The following GRIK4 variants were observed in gnomAD, a reference collection of about 807,000 sequenced individuals.
GRIK4 encodes the protein glutamate ionotropic receptor kainate type subunit 4.
A neutral mutation model predicts 104.9 loss-of-function variants in GRIK4; 40 were observed. That is an observed-to-expected ratio of 0.38 (90% CI 0.30 to 0.50). The LOEUF is 0.50. GRIK4 is among the 20% of genes least tolerant of loss of function. The probability of loss-of-function intolerance (pLI) is 0.93; values close to 1 mark genes in which losing one functional copy is unlikely to be tolerated. For synonymous variants in GRIK4, 485 were observed against 524.9 expected, an observed-to-expected ratio of 0.92 and a Z score of 1.04; for missense variants, 1,047 against 1,308.1, an observed-to-expected ratio of 0.80 and a Z score of 3.08.
At chr11:120,581,498 A>G (rs1021293657) in intron 1 of GRIK4, among the ~76,000 whole-genome samples, 3 of 152,174 alleles carry the variant, frequency 2.0e-5, no homozygotes, top group Admixed American at 2.0e-4. Context: ...TTGTTGTGCA[A>G]TCAGTCTCTA....
At chr11:120,982,428 G>A (rs1944667558) in intron 20 of GRIK4, among the ~76,000 whole-genome samples, 1 of 152,200 alleles carries the variant, frequency 6.6e-6, no homozygotes, top group South Asian at 2.1e-4. Flanking sequence ...TATCATTTAA[G>A]ATATAGTTGA....
At chr11:120,963,684 A>G (rs1432026225) in intron 18 of GRIK4, among the ~76,000 whole-genome samples, 2 of 152,046 alleles carry the variant, frequency 1.3e-5, no homozygotes, top group Non-Finnish European at 2.9e-5. Flanking sequence ...TTAGCTCAAA[A>G]CTCTGTAAAT....
chr11:120,716,260 G>A (rs1950831301), intron 3 of GRIK4, among the ~76,000 whole-genome samples: 1 of 129,352 alleles, frequency 7.7e-6, no homozygotes, highest in Non-Finnish European at 1.6e-5. Flanking sequence ...GGGTGGGTGG[G>A]CGGGATGGAG....
At chr11:120,965,854 G>A (rs1388204793) in intron 18 of GRIK4, among the ~76,000 whole-genome samples, 3 of 152,164 alleles carry the variant, frequency 2.0e-5, no homozygotes, top group African/African-American at 7.2e-5. Flanking sequence ...TTGAAAATTT[G>A]AAAAGCACTC....
chr11:120,565,949 T>A (rs1948316813), intron 1 of GRIK4, among the ~76,000 whole-genome samples: 2 of 152,130 alleles, frequency 1.3e-5, no homozygotes, highest in African/African-American at 4.8e-5. Context: ...GTGACTTTGG[T>A]ATTAGGCTGG....
chr11:120,696,049 G>A (rs1950444071), intron 3 of GRIK4, among the ~76,000 whole-genome samples: 1 of 152,182 alleles, frequency 6.6e-6, no homozygotes, highest in Non-Finnish European at 1.5e-5. Context: ...CCCTCCTCTA[G>A]CAGAGGGATC....
At chr11:120,815,511 C>A in intron 5 of GRIK4, 36 bp downstream of exon 5, 1 of 1,263,512 alleles carries the variant, frequency 7.9e-7, no homozygotes, top group Admixed American at 2.3e-5. Context: ...TATCTGTGTG[C>A]TGGAGCCTGT....
At chr11:120,516,645 G>T (rs78999843) in intron 1 of GRIK4, among the ~76,000 whole-genome samples, 1 of 152,064 alleles carries the variant, frequency 6.6e-6, no homozygotes, top group Non-Finnish European at 1.5e-5. Context: ...GGGCCTGGGC[G>T]CTGGTGACAG....
At chr11:120,892,111 TG>T (rs1267982842) in intron 11 of GRIK4, among the ~76,000 whole-genome samples, 1 of 152,108 alleles carries the variant, frequency 6.6e-6, no homozygotes, top group Non-Finnish European at 1.5e-5. Flanking sequence ...CAGGGGTTCA[TG>T]TGGCAAGGAG....
chr11:120,655,893 G>A (rs1235833383), intron 2 of GRIK4, among the ~76,000 whole-genome samples: 1 of 152,146 alleles, frequency 6.6e-6, no homozygotes, highest in Non-Finnish European at 1.5e-5. Flanking sequence ...CAAGGTGTTT[G>A]TGGCATGCTG....
At position 120,815,397 on chromosome 11, in the gene GRIK4, G is replaced by A. The variant is rs763799177; in HGVS notation, c.267G>A (p.Lys89=). 23 of 1,549,030 alleles carry A rather than the reference G, an allele frequency of 1.5e-5. No homozygotes were observed. In the East Asian group the frequency reaches 5.4e-4, roughly 36 times the overall value. Residue 89 remains lysine (K), a synonymous_variant, in exon 5 of 21, where the codon AAG becomes AAA. Coordinates refer to ENST00000527524, the MANE Select transcript of GRIK4 (RefSeq NM_014619.5). Reference sequence around the variant, plus strand: ...CTGCAGTGTGTCAGATCCTCCCCAAGGGGGTGGTCGCTGTCCTCGGACCAT... The same window carrying A: ...CTGCAGTGTGTCAGATCCTCCCCAAAGGGGTGGTCGCTGTCCTCGGACCAT... ...TAETMCQILP[K]GVVAVLGPSS... is the part of the protein sequence containing the mutation.
In GRIK4 at chr11:120,517,008, C is replaced by T. The variant is rs902572814; in HGVS notation, c.-159+5121C>T. On this transcript the variant is annotated intron_variant, in intron 1 of 20. Transcript: ENST00000527524. ...TGCCGGGGGCCAGCTTAAGGCATCT[C>T]GCGTGCCTCAGTCTCACCTCCCCAG... Among the ~76,000 whole-genome samples, 24 of 129,642 alleles carry T rather than the reference C, an allele frequency of 1.9e-4. 2 individuals are homozygous for T. Among genetic ancestry groups the T allele is most frequent in the Non-Finnish European group, 2.0e-4 (12 of 60,826 alleles). The allele number at this position is 129,642 out of a possible 152,430, so 85.1% of individuals were successfully genotyped here.
chr11:120,962,549 A>C lies in GRIK4; in HGVS notation c.2134A>C (p.Arg712=), dbSNP rs148867165. The change falls in exon 18 of 21, where the codon AGG becomes CGG. Residue 712 remains arginine (R), a synonymous_variant. Transcript: ENST00000527524. ...FVKSTEEGIA[R]VLNSNYAFLL... ...GAAGAGCACAGAGGAGGGAATCGCC[A>C]GGGTGTTGAATTCCAACTACGCCTT... 3.1e-5 allele frequency: 50 copies of C among 1,614,010 alleles called. No individual in the cohort carries two copies. In the African/African-American group the frequency reaches 4.5e-4, roughly 15 times the overall value.
At chr11:120,655,269 G>A (rs1446898262) in intron 2 of GRIK4, among the ~76,000 whole-genome samples, 1 of 151,764 alleles carries the variant, frequency 6.6e-6, no homozygotes, top group Non-Finnish European at 1.5e-5. Flanking sequence ...AACACAGCTT[G>A]CAGTCCATCA....
At chr11:120,642,919 G>A (rs1419868916) in intron 1 of GRIK4, among the ~76,000 whole-genome samples, 1 of 152,192 alleles carries the variant, frequency 6.6e-6, no homozygotes, top group African/African-American at 2.4e-5. Context: ...TCCCCCAGTA[G>A]AAACAGGAGA....
chr11:120,561,623 C>T (rs941819860), intron 1 of GRIK4, among the ~76,000 whole-genome samples: 2 of 152,202 alleles, frequency 1.3e-5, no homozygotes, highest in Non-Finnish European at 2.9e-5. Context: ...GCCACACCTT[C>T]GGGGGCAGCC....
chr11:120,688,808 G>T (rs1483694206), intron 3 of GRIK4, among the ~76,000 whole-genome samples: 3 of 152,174 alleles, frequency 2.0e-5, no homozygotes, highest in African/African-American at 7.2e-5. Context: ...TAAGAGAGAG[G>T]TTGAACATGG....
intron 1 of GRIK4, among the ~76,000 whole-genome samples, chr11:120,640,437 A>G (rs765104668): frequency 1.6e-4 from 24 of 152,184 alleles, no homozygotes; most frequent in Non-Finnish European, 3.2e-4. Context: ...TGAATCTCCA[A>G]TAAATTTAAA....
intron 1 of GRIK4, among the ~76,000 whole-genome samples, chr11:120,529,128 C>A (rs145455667): frequency 1.3e-5 from 2 of 150,882 alleles, no homozygotes; most frequent in African/African-American, 5.0e-5. Flanking sequence ...TGCATAACCC[C>A]CCACCCCGAC....
Sources: gnomAD v4.1 joint callset for allele counts (sites outside exome capture counted in the v4.1 genomes callset) on GRCh38, gnomAD v4.1.1 for gene constraint, MANE v1.5 for transcripts, NCBI Gene and HGNC (gene_info 2026-07-23, HGNC 2026-07-21) for gene names.